Variants in BAZ2A observed in about 807,000 individuals in gnomAD.
BAZ2A encodes bromodomain adjacent to zinc finger domain 2A, also known as bromodomain adjacent to zinc finger domain protein 2A.
Under a neutral mutation model 199.9 loss-of-function variants are expected in BAZ2A, and 34 were observed. The observed-to-expected ratio is 0.17, with a 90% confidence interval of 0.13 to 0.23. BAZ2A has a LOEUF of 0.23. Ranked by LOEUF, BAZ2A falls within the 10% of genes least tolerant of loss-of-function variation. The pLI is 1.00. For synonymous variants in BAZ2A, 857 were observed against 883.9 expected, an observed-to-expected ratio of 0.97 and a Z score of 0.54; for missense variants, 2,002 against 2,391.1, an observed-to-expected ratio of 0.84 and a Z score of 3.39.
chr12:56,601,604 G>C lies in BAZ2A; in HGVS notation c.4013C>G (p.Pro1338Arg). The change falls in exon 20 of 29, where the codon CCT becomes CGT. Residue 1338 changes from proline to arginine, a missense_variant. By Grantham distance (103) the Pro-to-Arg change is moderately radical (BLOSUM62 -2). This residue lies in a region of BAZ2A where 1,081 missense variants were observed against 1,274.7 expected (regional missense o/e 0.85). Coordinates refer to ENST00000549884, the MANE Select transcript of BAZ2A (RefSeq NM_001300905.2). The stretch of plus-strand genomic sequence containing the variant: ...AGTGGGTTGGTCCTCAGAAACTGCA[G>C]GGGGCGGTGTGGGGGCAGCATTGCA... ...MPCNAAPTPP[P>R]AVSEDQPTPS... 5.6e-6 allele frequency: 9 copies of C among 1,613,932 alleles called. No homozygotes were observed. Among genetic ancestry groups the C allele is most frequent in the Non-Finnish European group, 7.6e-6 (9 of 1,179,882 alleles).
chr12:56,600,436 G>A lies in BAZ2A; in HGVS notation c.4657C>T (p.His1553Tyr). Residue 1553 changes from histidine (H) to tyrosine (Y), a missense_variant, in exon 24 of 29, where the codon CAC becomes TAC. By Grantham distance (83) the His-to-Tyr change is moderately conservative. Around this residue, in one of 6 missense-constraint regions of BAZ2A, gnomAD observed 1,081 missense variants for 1,274.7 expected, o/e 0.85. Transcript: ENST00000549884. Reference protein sequence around the residue: ...STREDLAYCEHLSDSQEDITW... With the variant: ...STREDLAYCEYLSDSQEDITW... ...ATATCCTCCTGGGAGTCGGAGAGGT[G>A]CTCACAGTAGGCCAAGTCTTCACGG... 1 of 1,613,966 alleles carries A rather than the reference G, an allele frequency of 6.2e-7. No homozygotes were observed. Among genetic ancestry groups the A allele is most frequent in the Non-Finnish European group, 8.5e-7 (1 of 1,179,886 alleles).
intron 1 of BAZ2A, chr12:56,621,126 T>G (rs1950908676): frequency 1.0e-6 from 1 of 985,376 alleles, no homozygotes. Context: ...CCTCCCCTGG[T>G]GTGGAGGATA....
chr12:56,630,248 CG>C lies in BAZ2A; in HGVS notation c.-127del. 1.8e-6 allele frequency: 1 copy of C among 551,836 alleles called. No homozygotes were observed. Among genetic ancestry groups the C allele is most frequent in the Non-Finnish European group, 2.3e-6 (1 of 433,074 alleles). 34.2% of individuals were successfully genotyped at this position (551,836 alleles called of 1,614,324 possible). A position where few individuals can be genotyped will look rare whatever the true frequency, so the allele number is the denominator to read the frequency against. On this transcript the variant is annotated 5_prime_UTR_variant, in exon 1 of 29. Transcript: ENST00000549884. ...CCCGCTGGGGAGGGGGTCTGGGGTC[CG>C]GGGTTCGGGAAGGGGGAGGGGGACG...
Position 56,613,190 on chromosome 12 carries a change from C to G in BAZ2A, c.960G>C (p.Leu320=). The change falls in exon 5 of 29, where the codon CTG becomes CTC. Residue 320 remains leucine (L), a synonymous_variant. Transcript: ENST00000549884. ...GGLYGIDDTE[L]MGAEDKLPLE... ...GAGGCAGCTTGTCCTCTGCACCCAT[C>G]AGCTCCGTGTCATCAATACCATATA... The G allele has an allele frequency of 6.2e-7, 1 of 1,614,054 alleles. No homozygotes were observed. The highest frequency in any genetic ancestry group is 8.5e-7 in the Non-Finnish European group (1 of 1,179,906).
At position 56,613,252 on chromosome 12, in the gene BAZ2A, A is replaced by G. The variant is rs1301235486; in HGVS notation, c.917-19T>C. ...ACTGGCTCTGTTTACAAGGGTAGAA[A>G]AATCAGAGCAGGATAATGAGAAAAA... On this transcript the variant is annotated intron_variant, in intron 4 of 28. Transcript: ENST00000549884. 1.2e-6 allele frequency: 2 copies of G among 1,609,972 alleles called. No homozygotes were observed. Among genetic ancestry groups the G allele is most frequent in the Non-Finnish European group, 8.5e-7 (1 of 1,176,384 alleles).
chr12:56,615,408 G>A lies in BAZ2A; in HGVS notation c.336C>T (p.Ser112=), dbSNP rs759901450. 14 of 1,613,286 alleles carry A rather than the reference G, an allele frequency of 8.7e-6. No individual in the cohort carries two copies. Among genetic ancestry groups the A allele is most frequent in the Non-Finnish European group, 1.1e-5 (13 of 1,179,820 alleles). ...GSNLKDPPLL[S]QFSGGQYPLN... ...GTGGGTATTGTCCCCCCGAGAACTGGGAGAGAAGGGGTGGGTCCTTGAGGT... is the reference window on the plus strand; with the variant it reads ...GTGGGTATTGTCCCCCCGAGAACTGAGAGAGAAGGGGTGGGTCCTTGAGGT... Residue 112 remains serine (S), a synonymous_variant, in exon 3 of 29, where the codon TCC becomes TCT. Coordinates refer to ENST00000549884, the MANE Select transcript of BAZ2A (RefSeq NM_001300905.2).
At chr12:56,614,340 G>C (rs1443389367) in intron 3 of BAZ2A, 2 of 524,772 alleles carry the variant, frequency 3.8e-6, no homozygotes, top group Non-Finnish European at 6.7e-6. Context: ...CAGGCAAAGA[G>C]AGGAAAAGAG....
At position 56,604,168 on chromosome 12, in the gene BAZ2A, C is replaced by T. The variant is rs182050887; in HGVS notation, c.3038+49G>A. 1,415 of 1,531,726 alleles carry T rather than the reference C, an allele frequency of 9.2e-4. 9 individuals carry two copies. The highest frequency in any genetic ancestry group is 1.9e-3 in the East Asian group (79 of 42,434). The allele number at this position is 1,531,726 out of a possible 1,614,324, so 94.9% of individuals were successfully genotyped here. A position where few individuals can be genotyped will look rare whatever the true frequency, so the allele number is the denominator to read the frequency against. ...GCCAAAACCCTGGCTATGCTTCACCCGCCCCACTTCTCTCCTCTCTGAGGC... is the reference window on the plus strand; with the variant it reads ...GCCAAAACCCTGGCTATGCTTCACCTGCCCCACTTCTCTCCTCTCTGAGGC... On this transcript the variant is annotated intron_variant, in intron 16 of 28. Transcript: ENST00000549884.
rs147913429 is a variant in BAZ2A, at chr12:56,613,596, T to G, written c.916+357A>C. The stretch of plus-strand genomic sequence containing the variant: ...CTAGGATTTATCATAAAATATGTCT[T>G]TCTTGTACTTCAGTGGAGTAAAAGG... On this transcript the variant is annotated intron_variant, in intron 4 of 28. Transcript: ENST00000549884. 1.8e-3 allele frequency among the ~76,000 whole-genome samples: 272 copies of G among 152,346 alleles called. 2 individuals are homozygous for G. The highest frequency in any genetic ancestry group is 5.5e-3 in the African/African-American group (229 of 41,580).
Position 56,600,925 on chromosome 12 carries a change from G to C in BAZ2A, c.4450+18C>G. 1 of 1,613,370 alleles carries C rather than the reference G, an allele frequency of 6.2e-7. No individual in the cohort carries two copies. Among genetic ancestry groups the C allele is most frequent in the Non-Finnish European group, 8.5e-7 (1 of 1,179,532 alleles). On this transcript the variant is annotated intron_variant, in intron 22 of 28. Transcript: ENST00000549884. Reference sequence around the variant, plus strand: ...TCCTGGGCTCTTCAGCTCAAGCTGGGTGTAGGAATGTATTTACCAGCTGAG... The same window carrying C: ...TCCTGGGCTCTTCAGCTCAAGCTGGCTGTAGGAATGTATTTACCAGCTGAG...
chr12:56,623,110 C>G (rs1950973620), intron 1 of BAZ2A, among the ~76,000 whole-genome samples: 1 of 152,030 alleles, frequency 6.6e-6, no homozygotes, highest in Non-Finnish European at 1.5e-5. Flanking sequence ...GTGGCGGGCA[C>G]CTGTAGTCCT....
chr12:56,628,571 G>A (rs375947456), intron 1 of BAZ2A, among the ~76,000 whole-genome samples: 21 of 152,066 alleles, frequency 1.4e-4, no homozygotes, highest in African/African-American at 5.1e-4. Flanking sequence ...TCCCACAGGG[G>A]CTGCCCTTAG....
At chr12:56,627,537 G>T (rs1951139685) in intron 1 of BAZ2A, among the ~76,000 whole-genome samples, 1 of 150,808 alleles carries the variant, frequency 6.6e-6, no homozygotes. Context: ...TGGTCCTGGG[G>T]TCATAGGCCG....
Position 56,595,737 on chromosome 12 carries a change from C to T in BAZ2A, c.*2881G>A, listed in dbSNP as rs1456266970. 6.6e-6 allele frequency: 1 copy of T among 152,542 alleles called. No homozygotes were observed. Among genetic ancestry groups the T allele is most frequent in the African/African-American group, 2.4e-5 (1 of 41,400 alleles). 9.4% of individuals were successfully genotyped at this position (152,542 alleles called of 1,614,324 possible). ...AGGCAGGACCTGGATGCACTGAATC[C>T]CCCTTTGCTCCAGCAACTCAGCCAG... On this transcript the variant is annotated 3_prime_UTR_variant, in exon 29 of 29. Coordinates refer to ENST00000549884, the MANE Select transcript of BAZ2A (RefSeq NM_001300905.2).
Position 56,601,264 on chromosome 12 carries a change from G to A in BAZ2A, c.4210C>T (p.Arg1404Trp), listed in dbSNP as rs1267498032. The A allele has an allele frequency of 4.3e-6, 7 of 1,613,922 alleles. No individual in the cohort carries two copies. Among genetic ancestry groups the A allele is most frequent in the Admixed American group, 1.7e-5 (1 of 60,008 alleles). ...AACTTACTGGGAGGTCTCCCTCTCC[G>A]TTTGGGCTGTCCCAGCCCTGTGGGA... ...QSPTGLGQPK[R>W]RGRPPSKFFK... The change falls in exon 21 of 29, where the codon CGG becomes TGG. Residue 1404 changes from arginine to tryptophan, a missense_variant. By Grantham distance (101) the Arg-to-Trp change is moderately radical. Coordinates refer to ENST00000549884, the MANE Select transcript of BAZ2A (RefSeq NM_001300905.2).
intron 16 of BAZ2A, 88 bp from the exon 17 acceptor site, chr12:56,603,788 G>C: frequency 6.9e-7 from 1 of 1,453,218 alleles, no homozygotes. Flanking sequence ...CAAGACAGGC[G>C]GATCACCTGA....
chr12:56,623,264 G>A (rs1472504045), intron 1 of BAZ2A, among the ~76,000 whole-genome samples: 1 of 151,688 alleles, frequency 6.6e-6, no homozygotes. Flanking sequence ...GGCTGACAAT[G>A]CACAAAGTGT....
rs528419935 is a variant in BAZ2A, at chr12:56,598,759, C to T, written c.5571G>A (p.Ala1857=). The change falls in exon 29 of 29, where the codon GCG becomes GCA. Residue 1857 remains alanine (A), a synonymous_variant. Transcript: ENST00000549884. The part of the protein sequence containing the change: ...RGGYTSSEEF[A]ADALLVFDNC... ...TGTCAAATACCAGGAGGGCATCAGCCGCAAACTCCTCTGAGCTGGTGTACC... is the reference window on the plus strand; with the variant it reads ...TGTCAAATACCAGGAGGGCATCAGCTGCAAACTCCTCTGAGCTGGTGTACC... 8 of 1,612,320 alleles carry T rather than the reference C, an allele frequency of 5.0e-6. No individual in the cohort carries two copies. The highest frequency in any genetic ancestry group is 1.6e-4 in the Middle Eastern group (1 of 6,082).
rs544074092 is a variant in BAZ2A at position 56,608,568 on chromosome 12, A to T, written c.2092+1168T>A. ...TAAAACAGTGCCTATTATTATTATT[A>T]TATTATTATTATTATTTTGAGATGG... On this transcript the variant is annotated intron_variant, in intron 10 of 28. Transcript: ENST00000549884. Among the ~76,000 whole-genome samples, 44 of 151,402 alleles carry T rather than the reference A, an allele frequency of 2.9e-4. 1 individual carries two copies. In the East Asian group the frequency reaches 3.3e-3, roughly 11 times the overall value.
Sources: allele counts gnomAD v4.1 joint callset (sites outside exome capture counted in the v4.1 genomes callset), GRCh38; gene constraint gnomAD v4.1.1; regional missense constraint gnomAD v4.1.1; transcripts MANE v1.5; gene names NCBI Gene and HGNC (gene_info 2026-07-23, HGNC 2026-07-21).